Variants in INVS observed in about 807,000 individuals in gnomAD.
The protein encoded by INVS is inversion of embryo turning homolog.
INVS carries 86 observed loss-of-function variants against 108.8 expected under a neutral mutation model. The ratio of observed to expected loss-of-function variants is 0.79; its 90% CI spans 0.66 to 0.95. INVS has a LOEUF of 0.95. INVS is among the 40% of genes least tolerant of loss of function. INVS has a pLI of 0.00. For missense variants in INVS, 1,169 were observed against 1,297.4 expected, an observed-to-expected ratio of 0.90 and a Z score of 1.52; for synonymous variants, 455 against 473.5, an observed-to-expected ratio of 0.96 and a Z score of 0.51.
chr9:100,161,122 T>TC (rs1829159759), intron 3 of INVS, among the ~76,000 whole-genome samples: 1 of 149,744 alleles, frequency 6.7e-6, no homozygotes. Context: ...ACGCCTGTAA[T>TC]CCCAGCACTT....
At chr9:100,295,232 A>T (rs542465859) in intron 14 of INVS, among the ~76,000 whole-genome samples, 24 of 152,304 alleles carry the variant, frequency 1.6e-4, no homozygotes, top group African/African-American at 5.3e-4. Flanking sequence ...AGGTCCTGTC[A>T]GTAAGTGACC....
At chr9:100,133,046 A>T (rs944005116) in intron 3 of INVS, among the ~76,000 whole-genome samples, 1 of 152,188 alleles carries the variant, frequency 6.6e-6, no homozygotes, top group African/African-American at 2.4e-5. Context: ...CGGAAGTTGC[A>T]GTGAGCGGAT....
chr9:100,254,062 T>A (rs1043671742), intron 10 of INVS, among the ~76,000 whole-genome samples: 5 of 152,104 alleles, frequency 3.3e-5, no homozygotes, highest in African/African-American at 1.2e-4. Context: ...TTTCTCCACA[T>A]CCTCTCCAGC....
chr9:100,183,223 T>C (rs1364230444), intron 3 of INVS, among the ~76,000 whole-genome samples: 3 of 152,160 alleles, frequency 2.0e-5, no homozygotes, highest in South Asian at 2.1e-4. Flanking sequence ...TGTATACCTA[T>C]GTAACCAACC....
chr9:100,105,316 G>C (rs149261099), intron 2 of INVS, among the ~76,000 whole-genome samples: 14 of 152,288 alleles, frequency 9.2e-5, no homozygotes, highest in African/African-American at 3.4e-4. Flanking sequence ...TTTCATACCT[G>C]TTCCTTCCGA....
At chr9:100,162,173 C>T (rs1178163279) in intron 3 of INVS, among the ~76,000 whole-genome samples, 1 of 152,182 alleles carries the variant, frequency 6.6e-6, no homozygotes, top group Non-Finnish European at 1.5e-5. Flanking sequence ...TAACTGATTT[C>T]CTTTCCTGAA....
At chr9:100,146,295 C>T (rs1311024027) in intron 3 of INVS, among the ~76,000 whole-genome samples, 1 of 135,838 alleles carries the variant, frequency 7.4e-6, no homozygotes, top group Non-Finnish European at 1.5e-5. Context: ...GGGGGTTGTT[C>T]TCTGGCAGGA....
chr9:100,100,426 C>T (rs1444421205), intron 1 of INVS, among the ~76,000 whole-genome samples: 1 of 149,578 alleles, frequency 6.7e-6, no homozygotes, highest in Non-Finnish European at 1.5e-5. Context: ...AGTATGAACT[C>T]ATTATTCAAG....
At chr9:100,187,701 A>T (rs1164932091) in intron 3 of INVS, among the ~76,000 whole-genome samples, 2 of 151,526 alleles carry the variant, frequency 1.3e-5, no homozygotes, top group Non-Finnish European at 2.9e-5. Context: ...TAATTTTTGT[A>T]TTTTTAGTAC....
chr9:100,177,297 G>A (rs1330453279), intron 3 of INVS, among the ~76,000 whole-genome samples: 1 of 152,172 alleles, frequency 6.6e-6, no homozygotes, highest in Non-Finnish European at 1.5e-5. Context: ...CCCTGGAAAG[G>A]GGGCTGAAGT....
At chr9:100,123,626 C>G (rs1315933942) in intron 2 of INVS, among the ~76,000 whole-genome samples, 2 of 152,174 alleles carry the variant, frequency 1.3e-5, no homozygotes, top group African/African-American at 4.8e-5. Context: ...TGGGTACATA[C>G]TTGGGATTGG....
chr9:100,159,726 C>T (rs1294728656), intron 3 of INVS, among the ~76,000 whole-genome samples: 5 of 152,122 alleles, frequency 3.3e-5, no homozygotes, highest in African/African-American at 1.2e-4. Flanking sequence ...ATACTAATAA[C>T]TATGAAATTA....
intron 3 of INVS, among the ~76,000 whole-genome samples, chr9:100,140,225 G>A (rs1828379035): frequency 1.3e-5 from 2 of 152,206 alleles, no homozygotes; most frequent in South Asian, 4.1e-4. Flanking sequence ...GGCTTTGTGT[G>A]AGCAACAAGG....
chr9:100,217,347 C>G (rs894975798), intron 3 of INVS, among the ~76,000 whole-genome samples: 1 of 152,094 alleles, frequency 6.6e-6, no homozygotes, highest in African/African-American at 2.4e-5. Flanking sequence ...AACTATGTCT[C>G]TGTCAGTATC....
chr9:100,186,269 C>A (rs1343900126), intron 3 of INVS, among the ~76,000 whole-genome samples: 6 of 152,166 alleles, frequency 3.9e-5, no homozygotes. Flanking sequence ...TCTGCCTCAG[C>A]CCCCTCAGTA....
At chr9:100,187,449 G>GCA (rs1298037388) in intron 3 of INVS, among the ~76,000 whole-genome samples, 1 of 151,040 alleles carries the variant, frequency 6.6e-6, no homozygotes, top group Admixed American at 6.6e-5. Context: ...GGGCAGTATG[G>GCA]TCATTTTTAC....
chr9:100,120,315 G>T (rs533718167), intron 2 of INVS: 3 of 152,238 alleles, frequency 2.0e-5, no homozygotes, highest in African/African-American at 7.2e-5. Context: ...AGAAGAAAAA[G>T]ACATCACTCA....
chr9:100,268,959 A>G (rs1234757262), intron 11 of INVS, among the ~76,000 whole-genome samples: 1 of 152,214 alleles, frequency 6.6e-6, no homozygotes, highest in Non-Finnish European at 1.5e-5. Flanking sequence ...TTTATAAACT[A>G]AATTTTGTTA....
intron 3 of INVS, among the ~76,000 whole-genome samples, chr9:100,154,763 TAGAAG>T (rs1242809860): frequency 6.6e-6 from 1 of 151,912 alleles, no homozygotes; most frequent in African/African-American, 2.4e-5. Flanking sequence ...TTTTAAAAGA[TAGAAG>T]AGTAAATGAA....
Sources: allele counts gnomAD v4.1 joint callset (sites outside exome capture counted in the v4.1 genomes callset), GRCh38; gene constraint gnomAD v4.1.1; transcripts MANE v1.5; gene names NCBI Gene and HGNC (gene_info 2026-07-23, HGNC 2026-07-21).